Variants in ZMAT3 observed in about 807,000 individuals in gnomAD.
The protein encoded by ZMAT3 is zinc finger matrin-type 3.
Under a neutral mutation model 32.3 loss-of-function variants are expected in ZMAT3, and 17 were observed. The ratio of observed to expected loss-of-function variants is 0.53; its 90% CI spans 0.36 to 0.79. The LOEUF (loss-of-function observed/expected upper bound fraction) is 0.79. Among genes scored for constraint, ZMAT3 ranks in the 30% least tolerant of loss-of-function variants. The pLI, the probability that ZMAT3 is intolerant of heterozygous loss-of-function variation, is 0.00. For missense variants in ZMAT3, 329 were observed against 359.7 expected (o/e 0.91, Z 0.69); for synonymous variants, 120 against 133.1 (o/e 0.90, Z 0.68).
chr3:179,046,190 C>A lies in ZMAT3; in HGVS notation c.271-15191G>T, dbSNP rs1184442049. Among the ~76,000 whole-genome samples the A allele has an allele frequency of 2.6e-5, 4 of 152,138 alleles. No homozygotes were observed. Among genetic ancestry groups the A allele is most frequent in the African/African-American group, 9.7e-5 (4 of 41,436 alleles). On this transcript the variant is annotated intron_variant, in intron 2 of 5. Coordinates refer to ENST00000311417, the MANE Select transcript of ZMAT3 (RefSeq NM_022470.4). This position sits in a 1 kb window ranked among gnomAD's most constrained non-coding sequence, Gnocchi z 4.3. ...CTGATACAGGAGCTGAAGAGCATGA[C>A]TACAGGAACACAGTCCATGAAAAGG...
At chr3:179,059,860 C>T (rs1164095256) in intron 2 of ZMAT3, among the ~76,000 whole-genome samples, 2 of 152,078 alleles carry the variant, frequency 1.3e-5, no homozygotes, top group Non-Finnish European at 2.9e-5. Context: ...TTTCCTAGGT[C>T]GACTAAGAAT....
At chr3:179,027,226 A>G (rs1040809846) in intron 5 of ZMAT3, among the ~76,000 whole-genome samples, 197 bp downstream of exon 5, 2 of 152,232 alleles carry the variant, frequency 1.3e-5, no homozygotes, top group African/African-American at 4.8e-5. Context: ...CAAAATAAAT[A>G]ATATATTATT....
chr3:179,071,550 G>C (rs1258293814), intron 1 of ZMAT3, 45 bp downstream of exon 1: 1 of 152,236 alleles, frequency 6.6e-6, no homozygotes, highest in Non-Finnish European at 1.5e-5. Context: ...GGCGCTCCAG[G>C]GGCTCGTCCT....
intron 2 of ZMAT3, among the ~76,000 whole-genome samples, chr3:179,052,365 T>C (rs901554211): frequency 6.6e-6 from 1 of 152,098 alleles, no homozygotes; most frequent in Non-Finnish European, 1.5e-5. Context: ...AAAGAAGATA[T>C]ACAAATGGGC....
chr3:179,063,344 C>G (rs1721246098), intron 2 of ZMAT3, among the ~76,000 whole-genome samples: 1 of 152,198 alleles, frequency 6.6e-6, no homozygotes, highest in South Asian at 2.1e-4. Flanking sequence ...TAATAGCATT[C>G]TCTTCATTAT....
rs1038246777 is a variant in ZMAT3 at position 179,017,270 on chromosome 3, T to C, written c.*7747A>G. 2 of 152,126 alleles carry C rather than the reference T, an allele frequency of 1.3e-5. No homozygotes were observed. The highest frequency in any genetic ancestry group is 2.9e-5 in the Non-Finnish European group (2 of 68,024). The allele number at this position is 152,126 out of a possible 1,614,324, so 9.4% of individuals were successfully genotyped here. On this transcript the variant is annotated 3_prime_UTR_variant, in exon 6 of 6. Transcript: ENST00000311417. ...CGTTTTATTAAACTGGAACACAAAA[T>C]GCGTGTTATAATAATGTCAAGCCTT... is the stretch of plus-strand genomic sequence containing the variant.
At chr3:179,049,725 G>A (rs1258505466) in intron 2 of ZMAT3, among the ~76,000 whole-genome samples, 1 of 152,086 alleles carries the variant, frequency 6.6e-6, no homozygotes, top group African/African-American at 2.4e-5. Flanking sequence ...GGGCATGGTT[G>A]CTCATGCCTG....
chr3:179,060,877 CAGA>C (rs1308468468), intron 2 of ZMAT3, among the ~76,000 whole-genome samples: 1 of 152,006 alleles, frequency 6.6e-6, no homozygotes, highest in East Asian at 1.9e-4. Flanking sequence ...GAATAAGAAT[CAGA>C]AGATTTCTCT....
intron 2 of ZMAT3, among the ~76,000 whole-genome samples, chr3:179,056,525 T>C (rs1720854982): frequency 6.6e-6 from 1 of 152,168 alleles, no homozygotes; most frequent in African/African-American, 2.4e-5. Flanking sequence ...AGGGAATCAC[T>C]GGAAGGCCCA....
chr3:179,049,003 A>G (rs1191521203), intron 2 of ZMAT3, among the ~76,000 whole-genome samples: 2 of 152,230 alleles, frequency 1.3e-5, no homozygotes, highest in Non-Finnish European at 2.9e-5. Flanking sequence ...ATGGACAACA[A>G]AAGTGAGCAG....
Position 179,027,816 on chromosome 3 carries a change from A to C in ZMAT3, c.391-4T>G, listed in dbSNP as rs770772773. ...CTCCTGGCTTAAAGGAGCCCATCTG[A>C]CATCAAAGACACAAGAAGAAACAAA... On this transcript the variant is annotated splice_polypyrimidine_tract_variant and splice_region_variant and intron_variant, in intron 3 of 5. Transcript: ENST00000311417. The C allele has an allele frequency of 6.3e-7, 1 of 1,594,280 alleles. No homozygotes were observed. Among genetic ancestry groups the C allele is most frequent in the Non-Finnish European group, 8.5e-7 (1 of 1,173,412 alleles).
intron 2 of ZMAT3, among the ~76,000 whole-genome samples, chr3:179,031,631 G>T (rs963342760): frequency 2.0e-5 from 3 of 152,188 alleles, no homozygotes; most frequent in East Asian, 3.9e-4. Context: ...ACATTGGCTG[G>T]GTGCGGTGGC....
chr3:179,035,116 T>C (rs1214399798), intron 2 of ZMAT3, among the ~76,000 whole-genome samples: 2 of 151,942 alleles, frequency 1.3e-5, no homozygotes, highest in Admixed American at 1.3e-4. Context: ...TCTGCTATAC[T>C]TAAAATTGAC....
rs2108592291 is a variant in ZMAT3, at chr3:179,067,703, G to A, written c.50C>T (p.Pro17Leu). ...GGTGGCCACTGACATAGGAGGCGAG[G>A]GTGAGGGCTGCTTAGGTGGAGGAAG... ...AVLPPPKQPS[P>L]SPPMSVATRS... The change falls in exon 2 of 6, where the codon CCC becomes CTC. Residue 17 changes from proline (P) to leucine (L), a missense_variant. Transcript: ENST00000311417. 6.2e-7 allele frequency: 1 copy of A among 1,614,168 alleles called. No individual in the cohort carries two copies. Among genetic ancestry groups the A allele is most frequent in the Non-Finnish European group, 8.5e-7 (1 of 1,180,032 alleles).
chr3:179,068,912 A>C (rs1383973814), intron 1 of ZMAT3, among the ~76,000 whole-genome samples: 1 of 152,166 alleles, frequency 6.6e-6, no homozygotes, highest in Non-Finnish European at 1.5e-5. Flanking sequence ...ACATTCCTAT[A>C]TGGGACGCAA....
At chr3:179,059,687 G>A (rs958564225) in intron 2 of ZMAT3, among the ~76,000 whole-genome samples, 1 of 152,156 alleles carries the variant, frequency 6.6e-6, no homozygotes, top group African/African-American at 2.4e-5. Context: ...ATTCTCCGAT[G>A]TTAATGACAT....
chr3:179,035,740 G>C (rs1719553155), intron 2 of ZMAT3, among the ~76,000 whole-genome samples: 1 of 152,140 alleles, frequency 6.6e-6, no homozygotes, highest in Non-Finnish European at 1.5e-5. Context: ...ATAAATAACT[G>C]TTGGATAAAT....
Position 179,043,325 on chromosome 3 carries a change from T to C in ZMAT3, c.271-12326A>G, listed in dbSNP as rs1377906861. Among the ~76,000 whole-genome samples the C allele has an allele frequency of 2.6e-5, 4 of 152,268 alleles. No individual in the cohort carries two copies. In the East Asian group the frequency reaches 7.7e-4, roughly 29 times the overall value. The stretch of plus-strand genomic sequence containing the variant: ...CATCATGCTACCTGACTTCAAACTA[T>C]ACTACAAGCCTACAGTAACCAAAAC... On this transcript the variant is annotated intron_variant, in intron 2 of 5. Coordinates refer to ENST00000311417, the MANE Select transcript of ZMAT3 (RefSeq NM_022470.4).
chr3:179,045,507 C>A (rs1000081308), intron 2 of ZMAT3, among the ~76,000 whole-genome samples: 1 of 151,956 alleles, frequency 6.6e-6, no homozygotes, highest in African/African-American at 2.4e-5. Context: ...TAACAAAATA[C>A]TGAATAAAAA....
Sources: gnomAD v4.1 joint callset for allele counts (sites outside exome capture counted in the v4.1 genomes callset) on GRCh38, gnomAD v4.1.1 for gene constraint, Gnocchi (gnomAD v3.1) non-coding constraint, MANE v1.5 for transcripts, NCBI Gene and HGNC (gene_info 2026-07-23, HGNC 2026-07-21) for gene names.